Variants in RPS6KA2 observed in about 807,000 individuals in gnomAD.
RPS6KA2 encodes ribosomal protein S6 kinase alpha-2.
Under a neutral mutation model 91.8 loss-of-function variants are expected in RPS6KA2, and 42 were observed. The ratio of observed to expected loss-of-function variants is 0.46; its 90% CI spans 0.36 to 0.59. RPS6KA2 has a LOEUF of 0.59. Ranked by LOEUF, RPS6KA2 falls within the 20% of genes least tolerant of loss-of-function variation. The pLI is 0.00. For synonymous variants in RPS6KA2, 414 were observed against 393.6 expected (o/e 1.05, Z -0.61); for missense variants, 798 against 978.5 (o/e 0.82, Z 2.46).
chr6:166,680,702 A>G (rs952881271), intron 2 of RPS6KA2, among the ~76,000 whole-genome samples: 2 of 152,218 alleles, frequency 1.3e-5, no homozygotes, highest in Non-Finnish European at 2.9e-5. Flanking sequence ...TGAACCCACC[A>G]GAAGGAAAAA....
Position 166,678,070 on chromosome 6 carries a change from T to C in RPS6KA2, c.124-139286A>G, listed in dbSNP as rs2281145. 3.4e-3 allele frequency among the ~76,000 whole-genome samples: 520 copies of C among 152,340 alleles called. 6 individuals carry two copies. Among genetic ancestry groups the C allele is most frequent in the East Asian group, 0.026 (133 of 5,188 alleles). On this transcript the variant is annotated intron_variant, in intron 2 of 21. Transcript: ENST00000503859. Reference sequence around the variant, plus strand: ...ATGTAGCTGTGATCCTGGGAAAATATAAAGCTGGTTTCCGGTATGGATCCA... The same window carrying C: ...ATGTAGCTGTGATCCTGGGAAAATACAAAGCTGGTTTCCGGTATGGATCCA...
chr6:166,456,045 T>G (rs141854069), intron 12 of RPS6KA2, among the ~76,000 whole-genome samples: 3 of 152,198 alleles, frequency 2.0e-5, no homozygotes, highest in Admixed American at 2.0e-4. Context: ...CCATGTTAAC[T>G]TGACAGACAC....
At chr6:166,522,471 A>G (rs956476083) in intron 3 of RPS6KA2, among the ~76,000 whole-genome samples, 1 of 152,254 alleles carries the variant, frequency 6.6e-6, no homozygotes. Context: ...CCTGGCAGTC[A>G]GAGGCTCGAT....
chr6:166,550,948 C>G (rs889007569), intron 1 of RPS6KA2, among the ~76,000 whole-genome samples: 2 of 145,464 alleles, frequency 1.4e-5, no homozygotes. Context: ...TTGCAGTGAG[C>G]CGAGATCACG....
chr6:166,773,201 C>G (rs1778522795), intron 2 of RPS6KA2, among the ~76,000 whole-genome samples: 1 of 152,142 alleles, frequency 6.6e-6, no homozygotes, highest in African/African-American at 2.4e-5. Flanking sequence ...CCCATCTCCT[C>G]CCCTGAAGCA....
chr6:166,485,860 C>T (rs2128471884), intron 10 of RPS6KA2, among the ~76,000 whole-genome samples: 2 of 152,284 alleles, frequency 1.3e-5, no homozygotes, highest in South Asian at 4.2e-4. Context: ...TCCAAGGCTG[C>T]ATCTCCCACC....
chr6:166,564,779 C>T (rs771807574), intron 1 of RPS6KA2, among the ~76,000 whole-genome samples: 8 of 152,192 alleles, frequency 5.3e-5, no homozygotes, highest in Admixed American at 1.3e-4. Context: ...TCCCGAGCCA[C>T]GGATCAAGGT....
chr6:166,431,464 G>C (rs548363253), intron 15 of RPS6KA2, among the ~76,000 whole-genome samples: 1 of 152,320 alleles, frequency 6.6e-6, no homozygotes. Flanking sequence ...GTGGCCAGGC[G>C]CTGGGAGCAC....
At chr6:166,787,832 A>C (rs1317375376) in intron 2 of RPS6KA2, among the ~76,000 whole-genome samples, 11 of 152,204 alleles carry the variant, frequency 7.2e-5, no homozygotes, top group African/African-American at 2.7e-4. Flanking sequence ...ATGGGATCTA[A>C]TCAAACTAAA....
rs1053341542 is a variant in RPS6KA2, at chr6:166,665,186, C to G, written c.124-126402G>C. Among the ~76,000 whole-genome samples, 1 of 146,862 alleles carries G rather than the reference C, an allele frequency of 6.8e-6. No individual in the cohort carries two copies. Among genetic ancestry groups the G allele is most frequent in the African/African-American group, 2.6e-5 (1 of 38,342 alleles). Reference sequence around the variant, plus strand: ...TACAGAACAACATCTGCAGGGCTCACAGACAGAGGAATGCCCCCCAAGATA... The same window carrying G: ...TACAGAACAACATCTGCAGGGCTCAGAGACAGAGGAATGCCCCCCAAGATA... On this transcript the variant is annotated intron_variant, in intron 2 of 21. Coordinates refer to the RPS6KA2 transcript ENST00000503859. The surrounding 1 kb of genome is among the most constrained non-coding windows in gnomAD (Gnocchi z 4.5).
At chr6:166,545,633 G>A (rs1783802331) in intron 1 of RPS6KA2, among the ~76,000 whole-genome samples, 1 of 151,964 alleles carries the variant, frequency 6.6e-6, no homozygotes. Flanking sequence ...TCATTTTAGT[G>A]ACTGAGGAGA....
intron 1 of RPS6KA2, among the ~76,000 whole-genome samples, chr6:166,576,593 C>T (rs879447790): frequency 2.6e-5 from 4 of 152,134 alleles, no homozygotes; most frequent in Non-Finnish European, 4.4e-5. Flanking sequence ...GAAGTGTGAA[C>T]TTAAGAGAGA....
chr6:166,629,423 G>C (rs1787007126), upstream of RPS6KA2, among the ~76,000 whole-genome samples: 1 of 152,242 alleles, frequency 6.6e-6, no homozygotes, highest in South Asian at 2.1e-4. Context: ...AAACTGTTCT[G>C]TTGAACTTGG....
chr6:166,476,987 T>C (rs1781001746), intron 10 of RPS6KA2, among the ~76,000 whole-genome samples: 1 of 152,080 alleles, frequency 6.6e-6, no homozygotes, highest in Admixed American at 6.6e-5. Context: ...CCAGGCTCTT[T>C]TGGAGGAACG....
intron 6 of RPS6KA2, among the ~76,000 whole-genome samples, chr6:166,504,007 TA>T (rs1782109721): frequency 6.6e-6 from 1 of 152,066 alleles, no homozygotes; most frequent in Admixed American, 6.5e-5. Context: ...AGTAACTGAG[TA>T]GAGGTTCATT....
chr6:166,738,406 G>T (rs1465009712), intron 2 of RPS6KA2, among the ~76,000 whole-genome samples: 2 of 152,120 alleles, frequency 1.3e-5, no homozygotes, highest in African/African-American at 2.4e-5. Context: ...AGAAGAAAAG[G>T]GTCTAAGGCC....
At chr6:166,775,953 G>A (rs1210951666) in intron 2 of RPS6KA2, among the ~76,000 whole-genome samples, 2 of 152,168 alleles carry the variant, frequency 1.3e-5, no homozygotes, top group Admixed American at 6.5e-5. Context: ...ACGCGTGGAG[G>A]GCCAGAACTG....
chr6:166,588,032 G>T (rs1452537285), intron 1 of RPS6KA2, among the ~76,000 whole-genome samples: 2 of 152,208 alleles, frequency 1.3e-5, no homozygotes, highest in Admixed American at 1.3e-4. Context: ...TGAGACCCCA[G>T]TGATGGTTAG....
chr6:166,472,652 T>C (rs1053790187), intron 10 of RPS6KA2, among the ~76,000 whole-genome samples: 8 of 152,168 alleles, frequency 5.3e-5, no homozygotes, highest in African/African-American at 1.4e-4. Flanking sequence ...CTTGTTAAAA[T>C]AGGTGACTTT....
Sources: allele counts gnomAD v4.1 joint callset (sites outside exome capture counted in the v4.1 genomes callset), GRCh38; gene constraint gnomAD v4.1.1; non-coding constraint Gnocchi (gnomAD v3.1); transcripts MANE v1.5; gene names NCBI Gene and HGNC (gene_info 2026-07-23, HGNC 2026-07-21).